Variants in B3GALT1 observed in about 807,000 individuals in gnomAD.
The protein encoded by B3GALT1 is UDP-Gal:betaGlcNAc beta 1,3-galactosyltransferase, polypeptide 1.
B3GALT1 carries 10 observed loss-of-function variants against 23.2 expected under a neutral mutation model. The observed-to-expected ratio is 0.43, with a 90% confidence interval of 0.27 to 0.73. The LOEUF is 0.73. B3GALT1 is among the 30% of genes least tolerant of loss of function. B3GALT1 has a pLI of 0.21. For missense variants in B3GALT1, 299 were observed against 405.4 expected, an observed-to-expected ratio of 0.74 and a Z score of 2.25; for synonymous variants, 156 against 141.5, an observed-to-expected ratio of 1.10 and a Z score of -0.73.
At chr2:167,543,183 G>C (rs1355780582) in intron 2 of B3GALT1, among the ~76,000 whole-genome samples, 6 of 152,242 alleles carry the variant, frequency 3.9e-5, no homozygotes, top group Middle Eastern at 6.8e-3. Flanking sequence ...CTGTAAAACA[G>C]AGATGACTTT....
At chr2:167,733,455 A>G (rs1687442153) in intron 3 of B3GALT1, among the ~76,000 whole-genome samples, 1 of 151,620 alleles carries the variant, frequency 6.6e-6, no homozygotes, top group Non-Finnish European at 1.5e-5. Context: ...TCTTTAGTGT[A>G]TTTTATGTGT....
intron 3 of B3GALT1, among the ~76,000 whole-genome samples, chr2:167,703,039 C>A (rs971228262): frequency 2.0e-5 from 3 of 152,290 alleles, no homozygotes; most frequent in Middle Eastern, 3.4e-3. Context: ...TGAATGCTCA[C>A]CTGGTGGATT....
At chr2:167,642,299 T>G (rs971135084) in intron 2 of B3GALT1, among the ~76,000 whole-genome samples, 1 of 152,226 alleles carries the variant, frequency 6.6e-6, no homozygotes. Context: ...TAGAAGATAG[T>G]TAACCTAAAG....
At chr2:167,845,864 A>C (rs1232515842) in intron 4 of B3GALT1, among the ~76,000 whole-genome samples, 1 of 152,066 alleles carries the variant, frequency 6.6e-6, no homozygotes, top group Non-Finnish European at 1.5e-5. Flanking sequence ...ACAATAAAAG[A>C]AGTGAGAGGA....
At chr2:167,673,416 CAG>C (rs1686367194) in intron 3 of B3GALT1, among the ~76,000 whole-genome samples, 2 of 152,076 alleles carry the variant, frequency 1.3e-5, no homozygotes, top group Non-Finnish European at 1.5e-5. Flanking sequence ...CTTGAAATAA[CAG>C]AAAATAGCAC....
intron 2 of B3GALT1, among the ~76,000 whole-genome samples, chr2:167,522,894 A>G (rs1214722696): frequency 1.3e-5 from 2 of 152,200 alleles, no homozygotes; most frequent in Non-Finnish European, 2.9e-5. Context: ...GATGTACAGT[A>G]AAAGCATTCT....
chr2:167,735,245 C>G (rs537231462), intron 3 of B3GALT1, among the ~76,000 whole-genome samples: 1 of 152,126 alleles, frequency 6.6e-6, no homozygotes, highest in South Asian at 2.1e-4. Flanking sequence ...GTGCAAAGAG[C>G]CCCTGGTTAT....
At chr2:167,395,247 C>T (rs1339262087) in intron 1 of B3GALT1, among the ~76,000 whole-genome samples, 4 of 151,844 alleles carry the variant, frequency 2.6e-5, no homozygotes, top group Non-Finnish European at 4.4e-5. Context: ...CCTGTGGTTA[C>T]TTTATAAGGC....
intron 1 of B3GALT1, among the ~76,000 whole-genome samples, chr2:167,468,315 A>G (rs566618315): frequency 2.2e-4 from 34 of 152,336 alleles, no homozygotes; most frequent in African/African-American, 7.5e-4. Context: ...AGATAAATAC[A>G]TAATACTCTT....
intron 3 of B3GALT1, among the ~76,000 whole-genome samples, chr2:167,734,692 C>T (rs574125495): frequency 6.6e-6 from 1 of 152,226 alleles, no homozygotes; most frequent in South Asian, 2.1e-4. Flanking sequence ...TGTAAAATTT[C>T]CTTCTAACAA....
chr2:167,359,738 T>C (rs994851059), intron 1 of B3GALT1, among the ~76,000 whole-genome samples: 1 of 151,086 alleles, frequency 6.6e-6, no homozygotes, highest in Non-Finnish European at 1.5e-5. Flanking sequence ...AAATACAGTT[T>C]ATTGGTTTAT....
At chr2:167,827,926 G>A (rs1326445373) in intron 4 of B3GALT1, among the ~76,000 whole-genome samples, 1 of 152,154 alleles carries the variant, frequency 6.6e-6, no homozygotes, top group East Asian at 1.9e-4. Context: ...GCACAGCAGA[G>A]ACAGGCAACA....
chr2:167,637,888 T>C (rs961564535), intron 2 of B3GALT1, among the ~76,000 whole-genome samples: 1 of 151,848 alleles, frequency 6.6e-6, no homozygotes, highest in Non-Finnish European at 1.5e-5. Flanking sequence ...CTTGTTTGTA[T>C]GCCTCACCTC....
chr2:167,513,702 T>C (rs1700061914), intron 2 of B3GALT1, among the ~76,000 whole-genome samples: 1 of 152,138 alleles, frequency 6.6e-6, no homozygotes, highest in African/African-American at 2.4e-5. Flanking sequence ...GTGTAAGATA[T>C]GGGTTTATTA....
At chr2:167,779,195 GT>G (rs1221049850) in intron 3 of B3GALT1, among the ~76,000 whole-genome samples, 3 of 151,952 alleles carry the variant, frequency 2.0e-5, no homozygotes, top group African/African-American at 7.3e-5. Context: ...ACATGTCTTG[GT>G]TTTTTTTCTC....
At chr2:167,581,293 CTG>C (rs1684479766) in intron 2 of B3GALT1, among the ~76,000 whole-genome samples, 1 of 152,186 alleles carries the variant, frequency 6.6e-6, no homozygotes, top group Non-Finnish European at 1.5e-5. Flanking sequence ...AATATATGAA[CTG>C]TGTGCTGTGG....
At chr2:167,430,519 T>C (rs1044637411) in intron 1 of B3GALT1, among the ~76,000 whole-genome samples, 12 of 152,128 alleles carry the variant, frequency 7.9e-5, no homozygotes, top group African/African-American at 2.9e-4. Flanking sequence ...GTAGTAATAG[T>C]AGCTTGTATC....
intron 2 of B3GALT1, among the ~76,000 whole-genome samples, chr2:167,574,068 A>G (rs1684342632): frequency 6.6e-6 from 1 of 151,664 alleles, no homozygotes; most frequent in Non-Finnish European, 1.5e-5. Context: ...TACTTTCAAA[A>G]TTATTTTGTT....
intron 1 of B3GALT1, among the ~76,000 whole-genome samples, chr2:167,443,856 T>C (rs1313844324): frequency 6.6e-6 from 1 of 152,172 alleles, no homozygotes. Flanking sequence ...GAATATCCTT[T>C]CTTTCTTTCT....
Sources: gnomAD v4.1 joint callset for allele counts (sites outside exome capture counted in the v4.1 genomes callset) on GRCh38, gnomAD v4.1.1 for gene constraint, MANE v1.5 for transcripts, NCBI Gene and HGNC (gene_info 2026-07-23, HGNC 2026-07-21) for gene names.